The following QKI variants were observed in gnomAD, a reference collection of about 807,000 sequenced individuals.
QKI encodes the protein KH domain-containing RNA-binding protein QKI.
QKI carries 10 observed loss-of-function variants against 39.0 expected under a neutral mutation model. The ratio of observed to expected loss-of-function variants is 0.26; its 90% CI spans 0.16 to 0.43. The LOEUF (loss-of-function observed/expected upper bound fraction) is 0.43, where lower values mean the gene tolerates loss of function less well. QKI is among the 20% of genes least tolerant of loss of function. QKI has a pLI of 1.00. For synonymous variants in QKI, 204 were observed against 155.4 expected (o/e 1.31, Z -2.33); for missense variants, 218 against 428.0 (o/e 0.51, Z 4.33).
Position 163,465,095 on chromosome 6 carries a change from T to A in QKI, c.285+9674T>A, listed in dbSNP as rs574964993. Among the ~76,000 whole-genome samples, 6 of 152,190 alleles carry A rather than the reference T, an allele frequency of 3.9e-5. 1 individual carries two copies. The East Asian group carries it at 1.2e-3, about 29-fold the overall frequency. On this transcript the variant is annotated intron_variant, in intron 2 of 7. Coordinates refer to ENST00000361752, the MANE Select transcript of QKI (RefSeq NM_006775.3). ...GAAAAATAAAAACCATAAGATCATC[T>A]TAAAAGATGCAAAAAAGGCATTTGA...
chr6:163,444,799 TC>T (rs1790023154), intron 1 of QKI, among the ~76,000 whole-genome samples: 2 of 152,190 alleles, frequency 1.3e-5, no homozygotes, highest in Non-Finnish European at 2.9e-5. Flanking sequence ...GTGATTTTTT[TC>T]CCTCAGTTTT....
intron 3 of QKI, among the ~76,000 whole-genome samples, chr6:163,501,722 A>C (rs1417676211): frequency 6.6e-6 from 1 of 152,196 alleles, no homozygotes; most frequent in Non-Finnish European, 1.5e-5. Flanking sequence ...TTTGGTGATA[A>C]GGGATTGTGC....
In QKI at chr6:163,414,780, C is replaced by T. The variant is rs1417608472; in HGVS notation, c.-414C>T. 2 of 147,262 alleles carry T rather than the reference C, an allele frequency of 1.4e-5. No homozygotes were observed. The highest frequency in any genetic ancestry group is 4.0e-4 in the South Asian group (2 of 5,034). 9.1% of individuals were successfully genotyped at this position (147,262 alleles called of 1,614,324 possible). On this transcript the variant is annotated 5_prime_UTR_variant, in exon 1 of 8. Transcript: ENST00000361752. ...GCGGGGACCAGCCCAGAGAGACCCC[C>T]CGAGCCCGCGGCACAGGCGGCGGCG...
chr6:163,571,022 G>A lies in QKI; in HGVS notation c.*312G>A, dbSNP rs994007729. ...TTTTAATATCCCACCCTAAGCGAAC[G>A]GTAAGAAGGCCTCTCTTAAGAAGGG... On this transcript the variant is annotated 3_prime_UTR_variant, in exon 8 of 8. Transcript: ENST00000361752. 4 of 224,700 alleles carry A rather than the reference G, an allele frequency of 1.8e-5. No individual in the cohort carries two copies. Among genetic ancestry groups the A allele is most frequent in the Middle Eastern group, 1.4e-3 (1 of 698 alleles). The allele number at this position is 224,700 out of a possible 1,614,324, so 13.9% of individuals were successfully genotyped here.
At chr6:163,443,672 G>T (rs2128215741) in intron 1 of QKI, among the ~76,000 whole-genome samples, 1 of 152,334 alleles carries the variant, frequency 6.6e-6, no homozygotes, top group East Asian at 1.9e-4. Context: ...TCCTAAAAAT[G>T]TCATGAAGTG....
chr6:163,473,529 A>C (rs1792358177), intron 2 of QKI, among the ~76,000 whole-genome samples: 1 of 152,254 alleles, frequency 6.6e-6, no homozygotes, highest in South Asian at 2.1e-4. Flanking sequence ...AGGAAGATAC[A>C]GGTAACCAGT....
intron 1 of QKI, among the ~76,000 whole-genome samples, chr6:163,443,443 C>T (rs1789907048): frequency 1.3e-5 from 2 of 152,198 alleles, no homozygotes; most frequent in East Asian, 1.9e-4. Flanking sequence ...TGGCGGGTGC[C>T]TGTATTCCCA....
chr6:163,570,815 C>T lies in QKI; in HGVS notation c.*105C>T. 2 of 1,450,898 alleles carry T rather than the reference C, an allele frequency of 1.4e-6. No individual in the cohort carries two copies. Among genetic ancestry groups the T allele is most frequent in the Non-Finnish European group, 1.9e-6 (2 of 1,065,442 alleles). 89.9% of individuals were successfully genotyped at this position (1,450,898 alleles called of 1,614,324 possible). On this transcript the variant is annotated 3_prime_UTR_variant, in exon 8 of 8. Transcript: ENST00000361752. ...CGCCTTTGCTTGCCTGTCGTCAGTG[C>T]AGCGAGCTGAGGCACTTGTCCGTTC...
At chr6:163,488,037 A>G (rs1777786097) in intron 3 of QKI, among the ~76,000 whole-genome samples, 1 of 152,142 alleles carries the variant, frequency 6.6e-6, no homozygotes, top group African/African-American at 2.4e-5. Flanking sequence ...AGACTGAAAG[A>G]ATGAGTGTTT....
Position 163,576,456 on chromosome 6 carries a change from A to AG in QKI, c.*5749dup, listed in dbSNP as rs1220957447. 1 of 152,198 alleles carries AG rather than the reference A, an allele frequency of 6.6e-6. No homozygotes were observed. Among genetic ancestry groups the AG allele is most frequent in the Non-Finnish European group, 1.5e-5 (1 of 68,028 alleles). 9.4% of individuals were successfully genotyped at this position (152,198 alleles called of 1,614,324 possible). ...ACATTGTGGGAAGATCTCAGCTTCCAGGGTAAAAGTTAATTTATAACTTAA... is the reference window on the plus strand; with the variant it reads ...ACATTGTGGGAAGATCTCAGCTTCCAGGGGTAAAAGTTAATTTATAACTTAA... On this transcript the variant is annotated 3_prime_UTR_variant, in exon 8 of 8. Transcript: ENST00000361752.
At chr6:163,430,256 A>G (rs780536936) in intron 1 of QKI, among the ~76,000 whole-genome samples, 4 of 152,134 alleles carry the variant, frequency 2.6e-5, no homozygotes, top group Non-Finnish European at 5.9e-5. Context: ...TACAGGCATT[A>G]CATTATAGAG....
chr6:163,453,293 A>G (rs1395830403), intron 1 of QKI, among the ~76,000 whole-genome samples: 2 of 152,070 alleles, frequency 1.3e-5, no homozygotes, highest in East Asian at 3.9e-4. Context: ...TTGCATCTAT[A>G]TTTTTAAGCA....
At chr6:163,476,493 G>A (rs144522786) in intron 2 of QKI, among the ~76,000 whole-genome samples, 2 of 152,036 alleles carry the variant, frequency 1.3e-5, no homozygotes, top group African/African-American at 4.8e-5. Flanking sequence ...CTTAATTTGG[G>A]GTGACCCCCT....
rs1783682702 is a variant in QKI at position 163,571,199 on chromosome 6, G to A, written c.*489G>A. ...TGAACCTTCGGTCAGGGATATCATTGGTGAAGTGATTTCAAAAAGTATTCA... is the reference window on the plus strand; with the variant it reads ...TGAACCTTCGGTCAGGGATATCATTAGTGAAGTGATTTCAAAAAGTATTCA... On this transcript the variant is annotated 3_prime_UTR_variant, in exon 8 of 8. Coordinates refer to ENST00000361752, the MANE Select transcript of QKI (RefSeq NM_006775.3). 2 of 152,278 alleles carry A rather than the reference G, an allele frequency of 1.3e-5. No homozygotes were observed. The highest frequency in any genetic ancestry group is 4.8e-5 in the African/African-American group (2 of 41,410). 9.4% of individuals were successfully genotyped at this position (152,278 alleles called of 1,614,324 possible). A position where few individuals can be genotyped will look rare whatever the true frequency, so the allele number is the denominator to read the frequency against.
chr6:163,467,173 G>T (rs914121860), intron 2 of QKI, among the ~76,000 whole-genome samples: 3 of 152,012 alleles, frequency 2.0e-5, no homozygotes, highest in Admixed American at 1.3e-4. Context: ...ACACACACAC[G>T]TGCGTGTACA....
chr6:163,449,160 C>T (rs892370039), intron 1 of QKI, among the ~76,000 whole-genome samples: 1 of 152,108 alleles, frequency 6.6e-6, no homozygotes, highest in Non-Finnish European at 1.5e-5. Context: ...GTAGGGATTG[C>T]AGACAGTGTG....
rs1783387638 is a variant in QKI at position 163,566,786 on chromosome 6, G to A, written c.1000G>A (p.Ala334Thr). 3 of 1,613,456 alleles carry A rather than the reference G, an allele frequency of 1.9e-6. No homozygotes were observed. Among genetic ancestry groups the A allele is most frequent in the Admixed American group, 1.7e-5 (1 of 59,970 alleles). The part of the protein sequence containing the change: ...RVHPYQRIVT[A>T]DRAATGN ...CCATCCTTACCAAAGGATTGTGACC[G>A]CAGACCGAGGTTAGTTTAGTTCTGC... The change falls in exon 7 of 8, where the codon GCA becomes ACA. Residue 334 changes from alanine (A) to threonine (T), a missense_variant. This residue lies in a region of QKI where 117 missense variants were observed against 186.0 expected (regional missense o/e 0.63). Coordinates refer to ENST00000361752, the MANE Select transcript of QKI (RefSeq NM_006775.3).
chr6:163,453,023 C>T (rs775523982), intron 1 of QKI, among the ~76,000 whole-genome samples: 8 of 151,956 alleles, frequency 5.3e-5, no homozygotes, highest in East Asian at 1.9e-4. Context: ...CCACTGCGCC[C>T]GGCACGTTTA....
chr6:163,464,919 T>A (rs2759398), intron 2 of QKI, among the ~76,000 whole-genome samples: 53,762 of 151,962 alleles, frequency 0.35, 10,822 homozygotes, highest in African/African-American at 0.54. Flanking sequence ...TGATGAACAG[T>A]TGCAAAAATC....
Sources: gnomAD v4.1 joint callset for allele counts (sites outside exome capture counted in the v4.1 genomes callset) on GRCh38, gnomAD v4.1.1 for gene constraint, gnomAD v4.1.1 regional missense constraint, MANE v1.5 for transcripts, NCBI Gene and HGNC (gene_info 2026-07-23, HGNC 2026-07-21) for gene names.